The following IGFBP4 variants were observed in gnomAD, a reference collection of about 807,000 sequenced individuals.
The protein encoded by IGFBP4 is insulin like growth factor binding protein 4.
In IGFBP4, 9 loss-of-function variants were observed where a neutral mutation model predicts 25.8. The observed-to-expected ratio is 0.35, with a 90% CI of 0.21 to 0.61. IGFBP4 has a LOEUF of 0.61. Ranked by LOEUF, IGFBP4 falls within the 20% of genes least tolerant of loss-of-function variation. The probability of loss-of-function intolerance (pLI) is 0.77; values close to 1 mark genes in which losing one functional copy is unlikely to be tolerated. For missense variants in IGFBP4, 315 were observed against 365.3 expected, an observed-to-expected ratio of 0.86 and a Z score of 1.12; for synonymous variants, 153 against 153.9, an observed-to-expected ratio of 0.99 and a Z score of 0.05.
chr17:40,447,568 G>A (rs774766198), intron 1 of IGFBP4, among the ~76,000 whole-genome samples: 1 of 152,142 alleles, frequency 6.6e-6, no homozygotes, highest in African/African-American at 2.4e-5. Flanking sequence ...TGTGCCTTGT[G>A]GGGAGGGGGA....
intron 1 of IGFBP4, among the ~76,000 whole-genome samples, chr17:40,444,971 AG>A (rs2035636270): frequency 1.4e-5 from 2 of 142,566 alleles, no homozygotes; most frequent in Admixed American, 1.4e-4. Flanking sequence ...AGAGAGAGAG[AG>A]AGAGAGAGAG....
rs1309279450 is a variant in IGFBP4, at chr17:40,453,799, G to T, written c.508-129G>T. On this transcript the variant is annotated intron_variant, in intron 2 of 3. Coordinates refer to ENST00000269593, the MANE Select transcript of IGFBP4 (RefSeq NM_001552.3). The surrounding 1 kb of genome is among the most constrained non-coding windows in gnomAD (Gnocchi z 4.0). ...CCCAGGCCTCTCTCTTCACCTCACTGGGTCCTGCCCAGCCCCTGGGGCTCA... is the reference window on the plus strand; with the variant it reads ...CCCAGGCCTCTCTCTTCACCTCACTTGGTCCTGCCCAGCCCCTGGGGCTCA... 1.6e-6 allele frequency: 1 copy of T among 611,858 alleles called. No individual in the cohort carries two copies. Among genetic ancestry groups the T allele is most frequent in the East Asian group, 3.3e-5 (1 of 30,768 alleles). The allele number at this position is 611,858 out of a possible 1,614,324, so 37.9% of individuals were successfully genotyped here.
Position 40,454,077 on chromosome 17 carries a change from C to T in IGFBP4, c.642+15C>T. On this transcript the variant is annotated intron_variant, in intron 3 of 3. Transcript: ENST00000269593. ...ACCCCAAGCAGGTGGGTCTCTGTCT[C>T]CCGCTGGCTTGGCCCTGGACTCAGC... 6.2e-7 allele frequency: 1 copy of T among 1,610,524 alleles called. No individual in the cohort carries two copies. Among genetic ancestry groups the T allele is most frequent in the Non-Finnish European group, 8.5e-7 (1 of 1,178,270 alleles).
intron 1 of IGFBP4, among the ~76,000 whole-genome samples, chr17:40,445,841 T>C (rs1415599322): frequency 6.6e-6 from 1 of 152,098 alleles, no homozygotes; most frequent in Non-Finnish European, 1.5e-5. Context: ...TGGCACCAGA[T>C]AAGGATGGCT....
intron 3 of IGFBP4, among the ~76,000 whole-genome samples, chr17:40,455,694 G>T (rs10305307): frequency 6.6e-6 from 1 of 152,062 alleles, no homozygotes; most frequent in Non-Finnish European, 1.5e-5. Context: ...TGTTGGCCAG[G>T]CTGGTCTCGA....
At chr17:40,450,602 A>G (rs767980498) in intron 1 of IGFBP4, among the ~76,000 whole-genome samples, 2 of 151,962 alleles carry the variant, frequency 1.3e-5, no homozygotes, top group Non-Finnish European at 2.9e-5. Flanking sequence ...CAGTGGCACA[A>G]TCATAGCTCA....
intron 1 of IGFBP4, among the ~76,000 whole-genome samples, chr17:40,451,681 G>A (rs2035683744): frequency 6.6e-6 from 1 of 152,204 alleles, no homozygotes; most frequent in Non-Finnish European, 1.5e-5. Context: ...CCAAGCCTGA[G>A]CATTTCAGAG....
In IGFBP4 at chr17:40,453,916, C is replaced by T; in HGVS notation, c.508-12C>T. 2 of 1,595,840 alleles carry T rather than the reference C, an allele frequency of 1.3e-6. No individual in the cohort carries two copies. Among genetic ancestry groups the T allele is most frequent in the Non-Finnish European group, 1.7e-6 (2 of 1,171,860 alleles). On this transcript the variant is annotated splice_polypyrimidine_tract_variant and intron_variant, in intron 2 of 3. Transcript: ENST00000269593. The surrounding 1 kb of genome is among the most constrained non-coding windows in gnomAD (Gnocchi z 4.0). ...TCCTTCTGCTGAGCAATTTTGTCTT[C>T]CCCTCCTCCAGCCCCAGGGCTCCTG...
At chr17:40,446,306 T>C (rs1231349539) in intron 1 of IGFBP4, among the ~76,000 whole-genome samples, 1 of 69,574 alleles carries the variant, frequency 1.4e-5, no homozygotes, top group Non-Finnish European at 2.9e-5. Flanking sequence ...GCGACTCTAT[T>C]TCGTAAAAAA....
intron 1 of IGFBP4, among the ~76,000 whole-genome samples, chr17:40,451,543 C>T (rs556132261): frequency 8.1e-4 from 123 of 152,052 alleles, no homozygotes; most frequent in Non-Finnish European, 1.1e-3. Context: ...ATCGCTGCCA[C>T]GCATGGAGGA....
intron 1 of IGFBP4, 135 bp downstream of exon 1, chr17:40,444,219 C>G: frequency 1.4e-6 from 1 of 720,020 alleles, no homozygotes; most frequent in South Asian, 1.6e-5. Flanking sequence ...GTGGCAGGGC[C>G]CGACTGGCAT....
At chr17:40,452,366 C>G (rs2035688346) in intron 1 of IGFBP4, among the ~76,000 whole-genome samples, 1 of 152,148 alleles carries the variant, frequency 6.6e-6, no homozygotes, top group African/African-American at 2.4e-5. Flanking sequence ...GGTTGTGTTA[C>G]ACACACACTC....
Position 40,457,572 on chromosome 17 carries a change from T to A in IGFBP4, c.*989T>A, listed in dbSNP as rs2035722633. 1 of 151,918 alleles carries A rather than the reference T, an allele frequency of 6.6e-6. No individual in the cohort carries two copies. Among genetic ancestry groups the A allele is most frequent in the Non-Finnish European group, 1.5e-5 (1 of 68,022 alleles). The allele number at this position is 151,918 out of a possible 1,614,324, so 9.4% of individuals were successfully genotyped here. On this transcript the variant is annotated 3_prime_UTR_variant, in exon 4 of 4. Coordinates refer to ENST00000269593, the MANE Select transcript of IGFBP4 (RefSeq NM_001552.3). ...CTCTGCCTCCCTCTCCATATCTCCTTCCCCTACACCTCCCTCCCCACACCT... is the reference window on the plus strand; with the variant it reads ...CTCTGCCTCCCTCTCCATATCTCCTACCCCTACACCTCCCTCCCCACACCT...
intron 1 of IGFBP4, among the ~76,000 whole-genome samples, chr17:40,444,884 A>AAACAC (rs2035632490): frequency 4.5e-4 from 36 of 80,330 alleles, no homozygotes; most frequent in East Asian, 4.1e-3. Context: ...GAGAGAGAGA[A>AAACAC]ACACACACAC....
chr17:40,448,219 G>A (rs534619095), intron 1 of IGFBP4, among the ~76,000 whole-genome samples: 13 of 152,372 alleles, frequency 8.5e-5, no homozygotes, highest in Middle Eastern at 3.4e-3. Context: ...TGTCTCTCGA[G>A]GGCCAGGGGC....
At position 40,457,512 on chromosome 17, in the gene IGFBP4, A is replaced by C. The variant is rs892706999; in HGVS notation, c.*929A>C. ...TGGTCACAGCCATGAAGTCACCGGG[A>C]TGAACCTATCCTTCCAGTGGCTCGC... On this transcript the variant is annotated 3_prime_UTR_variant, in exon 4 of 4. Transcript: ENST00000269593. The C allele has an allele frequency of 5.9e-5, 9 of 151,922 alleles. No individual in the cohort carries two copies. The highest frequency in any genetic ancestry group is 2.2e-4 in the African/African-American group (9 of 41,316). The allele number at this position is 151,922 out of a possible 1,614,324, so 9.4% of individuals were successfully genotyped here.
chr17:40,454,191 A>AGCCTCCCTAAACCTACCTCAGC (rs2035702689), intron 3 of IGFBP4, 129 bp downstream of exon 3: 6 of 1,353,148 alleles, frequency 4.4e-6, no homozygotes, highest in Non-Finnish European at 5.9e-6. Context: ...AACCCCTTGG[A>AGCCTCCCTAAACCTACCTCAGC]GCCTCCCTAA....
chr17:40,454,447 C>T lies in IGFBP4; in HGVS notation c.642+385C>T, dbSNP rs540901190. On this transcript the variant is annotated intron_variant, in intron 3 of 3. Transcript: ENST00000269593. Reference sequence around the variant, plus strand: ...ACTCTATTCGTATGAGTAATTCCTCCTGTCACTGAGTGAGGTTTCTTCTGG... The same window carrying T: ...ACTCTATTCGTATGAGTAATTCCTCTTGTCACTGAGTGAGGTTTCTTCTGG... Among the ~76,000 whole-genome samples the T allele has an allele frequency of 1.6e-4, 25 of 152,316 alleles. No homozygotes were observed. The South Asian group carries it at 3.7e-3, about 23-fold the overall frequency.
chr17:40,445,018 TAC>T (rs2035636723), intron 1 of IGFBP4, among the ~76,000 whole-genome samples: 1 of 145,088 alleles, frequency 6.9e-6, no homozygotes, highest in Non-Finnish European at 1.5e-5. Flanking sequence ...ACCTCATTCT[TAC>T]ACTTTCTTTT....
Sources: allele counts gnomAD v4.1 joint callset (sites outside exome capture counted in the v4.1 genomes callset), GRCh38; gene constraint gnomAD v4.1.1; non-coding constraint Gnocchi (gnomAD v3.1); transcripts MANE v1.5; gene names NCBI Gene and HGNC (gene_info 2026-07-23, HGNC 2026-07-21).